The following FRYL variants were observed in gnomAD, a reference collection of about 807,000 sequenced individuals.
FRYL encodes the protein FRY like transcription coactivator.
Under a neutral mutation model 351.2 loss-of-function variants are expected in FRYL, and 150 were observed. That is an observed-to-expected ratio of 0.43 (90% CI 0.37 to 0.49). The LOEUF (loss-of-function observed/expected upper bound fraction) is 0.49. FRYL is among the 20% of genes least tolerant of loss of function. The pLI is 0.00. For synonymous variants in FRYL, 1,153 were observed against 1,257.1 expected (o/e 0.92, Z 1.75); for missense variants, 3,036 against 3,619.3 (o/e 0.84, Z 4.13).
intron 55 of FRYL, among the ~76,000 whole-genome samples, chr4:48,515,618 C>T (rs183249711): frequency 1.3e-3 from 192 of 152,168 alleles, no homozygotes; most frequent in African/African-American, 4.5e-3. Context: ...GTGATCTGCC[C>T]GCCTTGGCCT....
intron 2 of FRYL, among the ~76,000 whole-genome samples, chr4:48,690,252 CT>C (rs907257665): frequency 6.6e-6 from 1 of 151,786 alleles, no homozygotes; most frequent in Non-Finnish European, 1.5e-5. Flanking sequence ...AGTAGTACTT[CT>C]TTTTTTTCCA....
chr4:48,611,314 T>C (rs1487198003), intron 7 of FRYL, among the ~76,000 whole-genome samples: 1 of 152,114 alleles, frequency 6.6e-6, no homozygotes, highest in Non-Finnish European at 1.5e-5. Flanking sequence ...ATTGTTACTT[T>C]TATTTATATA....
At chr4:48,623,217 A>C in intron 4 of FRYL, 38 bp from the exon 5 acceptor site, 1 of 1,109,752 alleles carries the variant, frequency 9.0e-7, no homozygotes, top group Non-Finnish European at 1.3e-6. Context: ...AATAAAAATA[A>C]AGCACAAATA....
At chr4:48,677,503 C>T (rs1177129365) in intron 3 of FRYL, among the ~76,000 whole-genome samples, 18 of 151,828 alleles carry the variant, frequency 1.2e-4, no homozygotes, top group African/African-American at 3.9e-4. Context: ...CTCATCCTCC[C>T]GGGTTCAAGC....
At chr4:48,589,049 T>A (rs1447381012) in intron 18 of FRYL, among the ~76,000 whole-genome samples, 3 of 152,190 alleles carry the variant, frequency 2.0e-5, no homozygotes, top group Non-Finnish European at 4.4e-5. Flanking sequence ...ACATAATAAT[T>A]GTATATTAAA....
intron 12 of FRYL, 94 bp from the exon 13 acceptor site, chr4:48,602,215 A>T: frequency 1.5e-6 from 1 of 671,824 alleles, no homozygotes; most frequent in Admixed American, 2.7e-5. Context: ...ATAAGCAAGG[A>T]AACAAATCTT....
chr4:48,526,952 G>C (rs1008668754), intron 53 of FRYL, among the ~76,000 whole-genome samples: 1 of 152,182 alleles, frequency 6.6e-6, no homozygotes, highest in Non-Finnish European at 1.5e-5. Flanking sequence ...AAAGGGAAGA[G>C]TTCTAGAAAG....
intron 1 of FRYL, among the ~76,000 whole-genome samples, chr4:48,755,397 C>T (rs1773671688): frequency 6.6e-6 from 1 of 152,212 alleles, no homozygotes. Context: ...TGAATTTCCA[C>T]ATGCCACTAG....
intron 3 of FRYL, among the ~76,000 whole-genome samples, chr4:48,644,841 A>G (rs2149405711): frequency 6.6e-6 from 1 of 152,058 alleles, no homozygotes. Flanking sequence ...TTTAAAGATA[A>G]ATGCATTTAA....
chr4:48,523,133 C>T, intron 53 of FRYL, 29 bp from the exon 54 acceptor site: 1 of 1,488,778 alleles, frequency 6.7e-7, no homozygotes, highest in Non-Finnish European at 9.4e-7. Context: ...ATTTCTAAAA[C>T]CTCAAATACA....
At chr4:48,638,368 T>G (rs892881769) in intron 3 of FRYL, 2 of 152,060 alleles carry the variant, frequency 1.3e-5, no homozygotes, top group Non-Finnish European at 2.9e-5. Flanking sequence ...CTTTGGAACA[T>G]GAACAAAAGT....
chr4:48,763,714 C>T (rs756642984), intron 1 of FRYL, among the ~76,000 whole-genome samples: 14 of 152,092 alleles, frequency 9.2e-5, no homozygotes, highest in South Asian at 2.1e-4. Flanking sequence ...AAAGGTTTTC[C>T]GCTAAGATCA....
At chr4:48,663,484 A>G (rs1761169997) in intron 3 of FRYL, among the ~76,000 whole-genome samples, 1 of 151,954 alleles carries the variant, frequency 6.6e-6, no homozygotes, top group Non-Finnish European at 1.5e-5. Flanking sequence ...ACAAACAGCA[A>G]GACAGATTTA....
At chr4:48,544,925 T>C in intron 42 of FRYL, 21 bp from the exon 43 acceptor site, 1 of 1,581,736 alleles carries the variant, frequency 6.3e-7, no homozygotes, top group Non-Finnish European at 8.5e-7. Context: ...AGAACAGATG[T>C]AATTTCCTTG....
At chr4:48,601,948 C>T in intron 13 of FRYL, 72 bp downstream of exon 13, 1 of 839,918 alleles carries the variant, frequency 1.2e-6, no homozygotes. Context: ...TCATTATGCA[C>T]TGTTCAATTT....
Position 48,734,215 on chromosome 4 carries a change from AAG to A in FRYL, c.-383-23519_-383-23518del, listed in dbSNP as rs201080714. 3.9e-3 allele frequency among the ~76,000 whole-genome samples: 593 copies of A among 152,320 alleles called. 17 individuals are homozygous for A. The highest frequency in any genetic ancestry group is 0.029 in the Admixed American group (442 of 15,298). On this transcript the variant is annotated intron_variant, in intron 1 of 63. Coordinates refer to ENST00000358350, the MANE Select transcript of FRYL (RefSeq NM_015030.2). ...TAGATTAAAAGTAAATGGATAAAGAAAGAGATGTCATGCTAACACTAATCAAA... is the reference window on the plus strand; with the variant it reads ...TAGATTAAAAGTAAATGGATAAAGAAAGATGTCATGCTAACACTAATCAAA...
At chr4:48,517,129 T>C (rs1314361091) in intron 55 of FRYL, among the ~76,000 whole-genome samples, 1 of 152,208 alleles carries the variant, frequency 6.6e-6, no homozygotes, top group Admixed American at 6.5e-5. Context: ...ATATTCAATA[T>C]ACTCTAAGGT....
intron 49 of FRYL, among the ~76,000 whole-genome samples, chr4:48,534,344 A>G (rs973224525): frequency 6.6e-5 from 10 of 152,218 alleles, no homozygotes; most frequent in African/African-American, 2.4e-4. Flanking sequence ...TGTTAATACG[A>G]AAAGTAGAAA....
chr4:48,698,138 C>T (rs1339787466), intron 2 of FRYL, among the ~76,000 whole-genome samples: 2 of 152,082 alleles, frequency 1.3e-5, no homozygotes, highest in African/African-American at 2.4e-5. Context: ...AGAGAAGTTA[C>T]CTAAATATGT....
Sources: allele counts gnomAD v4.1 joint callset (sites outside exome capture counted in the v4.1 genomes callset), GRCh38; gene constraint gnomAD v4.1.1; transcripts MANE v1.5; gene names NCBI Gene and HGNC (gene_info 2026-07-23, HGNC 2026-07-21).